AP3B1: variants seen among roughly 807,000 people sequenced by gnomAD.
The protein encoded by AP3B1 is AP-3 complex subunit beta-1.
Under a neutral mutation model 132.5 loss-of-function variants are expected in AP3B1, and 61 were observed. The observed-to-expected ratio is 0.46, with a 90% CI of 0.37 to 0.57. The LOEUF (loss-of-function observed/expected upper bound fraction) is 0.57. Among genes scored for constraint, AP3B1 ranks in the 20% least tolerant of loss-of-function variants. AP3B1 has a pLI of 0.00. For missense variants in AP3B1, 1,120 were observed against 1,289.4 expected (o/e 0.87, Z 2.01); for synonymous variants, 388 against 438.3 (o/e 0.89, Z 1.43).
intron 17 of AP3B1, among the ~76,000 whole-genome samples, chr5:78,125,847 C>G (rs754891261): frequency 6.6e-6 from 1 of 151,950 alleles, no homozygotes; most frequent in African/African-American, 2.4e-5. Flanking sequence ...AGTACTGTCC[C>G]TATAAGGTAG....
intron 8 of AP3B1, among the ~76,000 whole-genome samples, chr5:78,179,281 A>T (rs1425838524): frequency 1.3e-5 from 2 of 152,212 alleles, no homozygotes; most frequent in Non-Finnish European, 2.9e-5. Flanking sequence ...TACAAATAAA[A>T]GTCCAATCCT....
At chr5:78,277,216 T>C (rs896912383) in intron 1 of AP3B1, among the ~76,000 whole-genome samples, 1 of 152,218 alleles carries the variant, frequency 6.6e-6, no homozygotes, top group Non-Finnish European at 1.5e-5. Context: ...TAGGTTGTCA[T>C]GAAGACTTAA....
intron 7 of AP3B1, among the ~76,000 whole-genome samples, chr5:78,197,036 A>T (rs1183346750): frequency 6.6e-6 from 1 of 152,194 alleles, no homozygotes; most frequent in African/African-American, 2.4e-5. Flanking sequence ...GGTGACAACA[A>T]TATTAATGTA....
chr5:78,057,714 T>A lies in AP3B1; in HGVS notation c.2578-18440A>T, dbSNP rs902803797. Among the ~76,000 whole-genome samples, 7 of 151,016 alleles carry A rather than the reference T, an allele frequency of 4.6e-5. 1 individual carries two copies. Among genetic ancestry groups the A allele is most frequent in the Admixed American group, 6.6e-5 (1 of 15,184 alleles). ...ATCACAGTAAATCATTATTTACTTG[T>A]GATCTACTATCATAAATCATATTTA... On this transcript the variant is annotated intron_variant, in intron 22 of 26. Coordinates refer to ENST00000255194, the MANE Select transcript of AP3B1 (RefSeq NM_003664.5).
chr5:78,286,270 T>C (rs954057546), intron 1 of AP3B1, among the ~76,000 whole-genome samples: 1 of 152,178 alleles, frequency 6.6e-6, no homozygotes, highest in Admixed American at 6.5e-5. Flanking sequence ...CACCCTACTA[T>C]GGTTTCAATG....
At chr5:78,166,161 AC>A (rs1743619979) in intron 11 of AP3B1, among the ~76,000 whole-genome samples, 4 of 128,674 alleles carry the variant, frequency 3.1e-5, no homozygotes, top group Non-Finnish European at 7.3e-5. Flanking sequence ...ACACACACAC[AC>A]ACACACACAC....
At chr5:78,228,865 T>G (rs1009857250) in intron 3 of AP3B1, among the ~76,000 whole-genome samples, 7 of 152,270 alleles carry the variant, frequency 4.6e-5, no homozygotes. Flanking sequence ...TGTGTGACTA[T>G]GAATACCAAT....
intron 15 of AP3B1, among the ~76,000 whole-genome samples, chr5:78,136,104 T>G (rs747503878): frequency 2.6e-5 from 4 of 152,102 alleles, no homozygotes; most frequent in Non-Finnish European, 5.9e-5. Context: ...TTTTTCCTAA[T>G]AAGAATACAC....
At chr5:78,152,356 A>C (rs1485661250) in intron 14 of AP3B1, among the ~76,000 whole-genome samples, 1 of 151,822 alleles carries the variant, frequency 6.6e-6, no homozygotes, top group Admixed American at 6.6e-5. Context: ...CAATCTTGTT[A>C]CTTGTTTTTG....
intron 3 of AP3B1, among the ~76,000 whole-genome samples, chr5:78,238,580 T>C (rs186560562): frequency 3.3e-5 from 5 of 152,096 alleles, no homozygotes; most frequent in African/African-American, 4.8e-5. Context: ...ATACTGTAGA[T>C]AACTATCACA....
chr5:78,098,514 ATTC>A (rs1220302711), intron 21 of AP3B1, among the ~76,000 whole-genome samples: 1 of 152,200 alleles, frequency 6.6e-6, no homozygotes, highest in Non-Finnish European at 1.5e-5. Flanking sequence ...CTTTACTGTT[ATTC>A]TTTTACAATT....
chr5:78,236,355 AG>A (rs112188885), intron 3 of AP3B1, among the ~76,000 whole-genome samples: 53,571 of 150,814 alleles, frequency 0.36, 9,531 homozygotes, highest in African/African-American at 0.42. Context: ...AAAACATAAA[AG>A]AAAAAAAATA....
At chr5:78,193,770 A>ATATATATATATATATATATTTTTTTTT in intron 7 of AP3B1, among the ~76,000 whole-genome samples, 5 of 67,206 alleles carry the variant, frequency 7.4e-5, no homozygotes, top group Non-Finnish European at 1.3e-4. Context: ...ATATATATAT[A>ATATATATATATATATATATTTTTTTTT]TTTTTTTTTT....
intron 16 of AP3B1, 41 bp from the exon 17 acceptor site, chr5:78,128,201 C>G (rs1246075071): frequency 6.7e-7 from 1 of 1,486,188 alleles, no homozygotes; most frequent in Non-Finnish European, 9.2e-7. Flanking sequence ...ACAATATGAG[C>G]TGTATATAAC....
rs780180977 is a variant in AP3B1, at chr5:78,165,679, T to C, written c.1168-7A>G. 5 of 1,579,576 alleles carry C rather than the reference T, an allele frequency of 3.2e-6. No individual in the cohort carries two copies. The East Asian group carries it at 6.7e-5, about 21-fold the overall frequency. ...AGTTTGTCAAAATTTCAAGCTATAG[T>C]AGAGAAAAGAGAAAGTAAACATTTT... On this transcript the variant is annotated splice_polypyrimidine_tract_variant and splice_region_variant and intron_variant, in intron 11 of 26. Coordinates refer to ENST00000255194, the MANE Select transcript of AP3B1 (RefSeq NM_003664.5).
At chr5:78,212,839 A>G (rs911495800) in intron 7 of AP3B1, among the ~76,000 whole-genome samples, 1 of 152,170 alleles carries the variant, frequency 6.6e-6, no homozygotes, top group African/African-American at 2.4e-5. Flanking sequence ...TCTTCTAGCT[A>G]TGGTCAAACT....
intron 7 of AP3B1, among the ~76,000 whole-genome samples, chr5:78,182,614 T>C (rs1357421086): frequency 3.3e-5 from 5 of 152,080 alleles, no homozygotes; most frequent in Non-Finnish European, 5.9e-5. Flanking sequence ...CAAATGCAGA[T>C]GAAAGAAACC....
In AP3B1 at chr5:78,193,740, T is replaced by TATATATATATATCTATA. The variant is rs1561469382; in HGVS notation, c.787-12079_787-12078insTATAGATATATATATAT. On this transcript the variant is annotated intron_variant, in intron 7 of 26. Transcript: ENST00000255194. ...CATATTTTTAAATATTTGTATATAT[T>TATATATATATATCTATA]TTTTTATATATATATATATATATAT... 2.9e-4 allele frequency among the ~76,000 whole-genome samples: 12 copies of TATATATATATATCTATA among 41,696 alleles called. 1 individual carries two copies. Among genetic ancestry groups the TATATATATATATCTATA allele is most frequent in the Admixed American group, 1.4e-3 (4 of 2,890 alleles). The allele number at this position is 41,696 out of a possible 152,430, so 27.4% of individuals were successfully genotyped here. A position where few individuals can be genotyped will look rare whatever the true frequency, so the allele number is the denominator to read the frequency against.
intron 19 of AP3B1, among the ~76,000 whole-genome samples, chr5:78,113,124 C>T (rs912272121): frequency 6.6e-6 from 1 of 152,276 alleles, no homozygotes; most frequent in African/African-American, 2.4e-5. Context: ...ATCAAGTGAG[C>T]GGGCAGCAGG....
Sources: gnomAD v4.1 joint callset for allele counts (sites outside exome capture counted in the v4.1 genomes callset) on GRCh38, gnomAD v4.1.1 for gene constraint, MANE v1.5 for transcripts, NCBI Gene and HGNC (gene_info 2026-07-23, HGNC 2026-07-21) for gene names.